The following SLC36A3 variants were observed in gnomAD, a reference collection of about 807,000 sequenced individuals.
The protein encoded by SLC36A3 is proton-coupled amino acid transporter 3.
A neutral mutation model predicts 44.3 loss-of-function variants in SLC36A3; 35 were observed. The ratio of observed to expected loss-of-function variants is 0.79; its 90% CI spans 0.60 to 1.05. SLC36A3 has a LOEUF of 1.05. Ranked by LOEUF, SLC36A3 falls within the 50% of genes least tolerant of loss-of-function variation. The pLI is 0.00. For synonymous variants in SLC36A3, 211 were observed against 227.6 expected (o/e 0.93, Z 0.66); for missense variants, 540 against 578.7 (o/e 0.93, Z 0.69).
intron 9 of SLC36A3, among the ~76,000 whole-genome samples, chr5:151,279,163 A>G (rs2127251747): frequency 6.6e-6 from 1 of 151,560 alleles, no homozygotes; most frequent in Non-Finnish European, 1.5e-5. Context: ...TTAGGTCTTC[A>G]CTGAAGTGTC....
chr5:151,284,749 G>T, intron 6 of SLC36A3, 38 bp from the exon 7 acceptor site: 1 of 1,527,788 alleles, frequency 6.5e-7, no homozygotes, highest in Non-Finnish European at 9.0e-7. Flanking sequence ...GTGTTGTTAT[G>T]GTGTCGAAGT....
At chr5:151,280,157 G>A (rs2127252737) in intron 9 of SLC36A3, among the ~76,000 whole-genome samples, 1 of 152,146 alleles carries the variant, frequency 6.6e-6, no homozygotes, top group East Asian at 1.9e-4. Context: ...GAAGAGTACA[G>A]CCAAAAAATG....
rs547246435 is a variant in SLC36A3 at position 151,280,833 on chromosome 5, A to C, written c.1144+181T>G. On this transcript the variant is annotated intron_variant, in intron 9 of 9. Coordinates refer to ENST00000335230, the MANE Select transcript of SLC36A3 (RefSeq NM_181774.4). ...GGCAGTAGAGACGACTATAACATTT[A>C]CTGTGTGGTAATTCTGTTAAGCCCT... Among the ~76,000 whole-genome samples, 7 of 152,336 alleles carry C rather than the reference A, an allele frequency of 4.6e-5. No homozygotes were observed. The East Asian group carries it at 1.2e-3, about 25-fold the overall frequency.
At chr5:151,301,991 C>T (rs979743615) in intron 1 of SLC36A3, among the ~76,000 whole-genome samples, 1 of 152,106 alleles carries the variant, frequency 6.6e-6, no homozygotes, top group Non-Finnish European at 1.5e-5. Context: ...CTTTAAAGAA[C>T]TAGATTGTAA....
At chr5:151,277,838 G>A (rs888731010) in intron 9 of SLC36A3, among the ~76,000 whole-genome samples, 177 bp from the exon 10 acceptor site, 4 of 152,060 alleles carry the variant, frequency 2.6e-5, no homozygotes, top group African/African-American at 7.2e-5. Flanking sequence ...TAATATAGAT[G>A]CTCTCCTTTT....
At position 151,303,404 on chromosome 5, in the gene SLC36A3, G is replaced by T; in HGVS notation, c.-50C>A. The T allele has an allele frequency of 6.3e-6, 10 of 1,576,462 alleles. No homozygotes were observed. Among genetic ancestry groups the T allele is most frequent in the Non-Finnish European group, 7.8e-6 (9 of 1,157,142 alleles). On this transcript the variant is annotated 5_prime_UTR_variant, in exon 1 of 10. Coordinates refer to ENST00000335230, the MANE Select transcript of SLC36A3 (RefSeq NM_181774.4). ...GAGGCTCAGGGTTAAGGCTCTGAATGAGCCTCTGATGGGTCTTTCTCCAGA... is the reference window on the plus strand; with the variant it reads ...GAGGCTCAGGGTTAAGGCTCTGAATTAGCCTCTGATGGGTCTTTCTCCAGA...
intron 4 of SLC36A3, among the ~76,000 whole-genome samples, chr5:151,290,647 C>A (rs1377564155): frequency 1.3e-5 from 2 of 152,100 alleles, no homozygotes; most frequent in African/African-American, 4.8e-5. Flanking sequence ...TGTAATCCCA[C>A]CACTTTGCAA....
At chr5:151,299,014 C>T (rs777472570) in intron 1 of SLC36A3, among the ~76,000 whole-genome samples, 3 of 151,974 alleles carry the variant, frequency 2.0e-5, no homozygotes, top group Non-Finnish European at 2.9e-5. Context: ...TCTCAAATAA[C>T]ATTTATTGTG....
intron 8 of SLC36A3, among the ~76,000 whole-genome samples, chr5:151,281,627 G>A (rs1260489020): frequency 1.3e-5 from 2 of 152,186 alleles, no homozygotes; most frequent in African/African-American, 4.8e-5. Context: ...ACACCAGCCT[G>A]ACCAATATGG....
chr5:151,279,600 C>A (rs1331124776), intron 9 of SLC36A3, among the ~76,000 whole-genome samples: 1 of 152,224 alleles, frequency 6.6e-6, no homozygotes, highest in Non-Finnish European at 1.5e-5. Context: ...AGAGGCTCCT[C>A]AGTCTTTCTT....
chr5:151,282,109 T>G (rs897332860), intron 8 of SLC36A3, among the ~76,000 whole-genome samples: 1 of 139,508 alleles, frequency 7.2e-6, no homozygotes, highest in Admixed American at 7.5e-5. Context: ...TTCTTTTTCT[T>G]TGTTTTTTTT....
intron 2 of SLC36A3, 75 bp downstream of exon 2, chr5:151,298,518 G>A (rs1028088555): frequency 1.4e-6 from 2 of 1,437,200 alleles, no homozygotes; most frequent in South Asian, 1.2e-5. Context: ...TGATAACAGT[G>A]TGAAGGCCTT....
intron 6 of SLC36A3, among the ~76,000 whole-genome samples, chr5:151,285,541 T>C (rs771933046): frequency 2.0e-5 from 3 of 152,224 alleles, no homozygotes; most frequent in Non-Finnish European, 4.4e-5. Context: ...GGAATGATTA[T>C]GTTAATAGAT....
rs145383818 is a variant in SLC36A3, at chr5:151,303,240, C to T, written c.115G>A (p.Glu39Lys). 1.7e-5 allele frequency: 27 copies of T among 1,613,502 alleles called. No individual in the cohort carries two copies. In the African/African-American group the frequency reaches 2.9e-4, roughly 18 times the overall value. The change falls in exon 1 of 10, where the codon GAA becomes AAA. Residue 39 changes from glutamate (E) to lysine (K), a missense_variant. Coordinates refer to ENST00000335230, the MANE Select transcript of SLC36A3 (RefSeq NM_181774.4). Reference protein sequence around the residue: ...ITSENVHPAGEAGLSMMQTLI... With the variant: ...ITSENVHPAGKAGLSMMQTLI... ...GCGGCCACTTACGATAGTCCAGCTT[C>T]TCCAGCAGGATGGACATTCTCTGAA...
intron 9 of SLC36A3, among the ~76,000 whole-genome samples, chr5:151,278,810 G>A (rs565468024): frequency 5.3e-5 from 8 of 152,286 alleles, no homozygotes; most frequent in Admixed American, 2.0e-4. Flanking sequence ...TTAATAAGCC[G>A]CTTATAGAGA....
Position 151,277,489 on chromosome 5 carries a change from G to A in SLC36A3, c.1317C>T (p.Gly439=). ...IAKDIMISIV[G]LLGCIFGTYQ... is the part of the protein sequence containing the mutation. ...ATGTCCCAAATATACACCCTAAAAG[G>A]CCCACGATGCTAATCATGATGTCCT... Residue 439 remains glycine (G), a synonymous_variant, in exon 10 of 10, where the codon GGC becomes GGT. Coordinates refer to ENST00000335230, the MANE Select transcript of SLC36A3 (RefSeq NM_181774.4). The A allele has an allele frequency of 6.2e-7, 1 of 1,614,098 alleles. No homozygotes were observed. Among genetic ancestry groups the A allele is most frequent in the Non-Finnish European group, 8.5e-7 (1 of 1,180,018 alleles).
At chr5:151,301,199 C>T (rs1755155227) in intron 1 of SLC36A3, among the ~76,000 whole-genome samples, 1 of 152,204 alleles carries the variant, frequency 6.6e-6, no homozygotes, top group African/African-American at 2.4e-5. Context: ...GAATTCATTT[C>T]ATGGTTTGAC....
chr5:151,277,334 A>T lies in SLC36A3; in HGVS notation c.*59T>A. Reference sequence around the variant, plus strand: ...GATTTGATGAAGGTATATAACATCCACATGGAAGTCAAACTGGGGATGGGA... The same window carrying T: ...GATTTGATGAAGGTATATAACATCCTCATGGAAGTCAAACTGGGGATGGGA... On this transcript the variant is annotated 3_prime_UTR_variant, in exon 10 of 10. Transcript: ENST00000335230. 1 of 1,593,526 alleles carries T rather than the reference A, an allele frequency of 6.3e-7. No individual in the cohort carries two copies. Among genetic ancestry groups the T allele is most frequent in the Non-Finnish European group, 8.6e-7 (1 of 1,165,356 alleles).
intron 9 of SLC36A3, among the ~76,000 whole-genome samples, chr5:151,279,967 A>G (rs1754247766): frequency 6.6e-6 from 1 of 152,142 alleles, no homozygotes; most frequent in African/African-American, 2.4e-5. Context: ...CAGGCAAAAC[A>G]TCCCTTGTTG....
Sources: gnomAD v4.1 joint callset for allele counts (sites outside exome capture counted in the v4.1 genomes callset) on GRCh38, gnomAD v4.1.1 for gene constraint, MANE v1.5 for transcripts, NCBI Gene and HGNC (gene_info 2026-07-23, HGNC 2026-07-21) for gene names.